ZFP64: variants seen among roughly 807,000 people sequenced by gnomAD.
ZFP64 encodes ZFP64 zinc finger protein, also known as zinc finger protein 64.
In ZFP64, 14 loss-of-function variants were observed where a neutral mutation model predicts 51.6. The observed-to-expected ratio is 0.27, with a 90% confidence interval of 0.18 to 0.42. The LOEUF (loss-of-function observed/expected upper bound fraction) is 0.42. Among genes scored for constraint, ZFP64 ranks in the 10% least tolerant of loss-of-function variants. The pLI is 1.00. For missense variants in ZFP64, 754 were observed against 906.8 expected (o/e 0.83, Z 2.16); for synonymous variants, 375 against 361.4 (o/e 1.04, Z -0.43).
intron 5 of ZFP64, among the ~76,000 whole-genome samples, chr20:52,119,803 C>T (rs1052927423): frequency 9.9e-5 from 15 of 151,854 alleles, no homozygotes; most frequent in Admixed American, 2.6e-4. Flanking sequence ...GGCAAAGAGA[C>T]GGCACTTTTG....
chr20:52,129,786 G>A (rs1160273561), intron 5 of ZFP64, among the ~76,000 whole-genome samples: 1 of 152,184 alleles, frequency 6.6e-6, no homozygotes, highest in Non-Finnish European at 1.5e-5. Flanking sequence ...CAACTCGCCT[G>A]TCTGCCTAAC....
intron 5 of ZFP64, among the ~76,000 whole-genome samples, chr20:52,124,371 A>C (rs6126472): frequency 0.42 from 64,019 of 151,876 alleles, 14,512 homozygotes; most frequent in Admixed American, 0.51. Context: ...AAATTCAGTG[A>C]GAAAAGGAGA....
chr20:52,165,511 G>C (rs777514552), intron 3 of ZFP64: 1 of 481,384 alleles, frequency 2.1e-6, no homozygotes, highest in Non-Finnish European at 4.1e-6. Flanking sequence ...CAACTTTTCT[G>C]TACATCTGAA....
intron 5 of ZFP64, among the ~76,000 whole-genome samples, chr20:52,114,281 A>G (rs911781530): frequency 1.3e-5 from 2 of 152,230 alleles, no homozygotes. Flanking sequence ...TTCCATGCCT[A>G]TGCTGTATTT....
chr20:52,161,433 C>T (rs952117431), intron 4 of ZFP64, among the ~76,000 whole-genome samples: 2 of 149,104 alleles, frequency 1.3e-5, no homozygotes, highest in Admixed American at 1.4e-4. Context: ...AACCCAGGAC[C>T]GTCTTGTGAT....
At chr20:52,156,404 G>A (rs773804667) in intron 5 of ZFP64, among the ~76,000 whole-genome samples, 2 of 152,122 alleles carry the variant, frequency 1.3e-5, no homozygotes, top group African/African-American at 4.8e-5. Context: ...CTTACACCTC[G>A]GTCATGACCA....
rs2078853562 is a variant in ZFP64, at chr20:52,085,369, T to G, written c.1229-103A>C. The G allele has an allele frequency of 7.9e-7, 1 of 1,271,108 alleles. No homozygotes were observed. Among genetic ancestry groups the G allele is most frequent in the Non-Finnish European group, 1.1e-6 (1 of 933,222 alleles). The allele number at this position is 1,271,108 out of a possible 1,614,324, so 78.7% of individuals were successfully genotyped here. A position where few individuals can be genotyped will look rare whatever the true frequency, so the allele number is the denominator to read the frequency against. On this transcript the variant is annotated intron_variant, in intron 8 of 8. Transcript: ENST00000361387. The surrounding 1 kb of genome is among the most constrained non-coding windows in gnomAD (Gnocchi z 4.3). ...TGGCCGCCATGAGATGGTTGGGTTTTGTGAACTCTAAACCCAACCTCCTAA... is the reference window on the plus strand; with the variant it reads ...TGGCCGCCATGAGATGGTTGGGTTTGGTGAACTCTAAACCCAACCTCCTAA...
At position 52,152,195 on chromosome 20, in the gene ZFP64, C is replaced by T. The variant is rs774690725; in HGVS notation, c.1997G>A (p.Gly666Glu). Residue 666 changes from glycine (G) to glutamate (E), a missense_variant, in exon 6 of 6, where the codon GGG becomes GAG. Around this residue, in one of 3 missense-constraint regions of ZFP64, gnomAD observed 428 missense variants for 472.4 expected, o/e 0.91. Transcript: ENST00000216923. ...ACAGAGCAAAGCTGGATGGGCTGCC[C>T]CTTGAATGATGGAGTAGGTCTGCTT... ...LPKQTYSIIQ[G>E]AAHPALLCPA... The T allele has an allele frequency of 3.1e-6, 5 of 1,614,072 alleles. No homozygotes were observed. The East Asian group carries it at 1.1e-4, about 36-fold the overall frequency.
chr20:52,141,359 C>A (rs1414506572), intron 5 of ZFP64, among the ~76,000 whole-genome samples: 1 of 152,116 alleles, frequency 6.6e-6, no homozygotes, highest in Non-Finnish European at 1.5e-5. Context: ...ATTCAATATT[C>A]ATTTATTTTT....
chr20:52,120,415 G>A (rs1187516097), intron 5 of ZFP64, among the ~76,000 whole-genome samples: 1 of 152,178 alleles, frequency 6.6e-6, no homozygotes, highest in African/African-American at 2.4e-5. Flanking sequence ...TAATGACTAT[G>A]AGGATGGAAA....
chr20:52,119,533 A>AAAAATAT (rs1457197109), intron 5 of ZFP64, among the ~76,000 whole-genome samples: 1 of 89,840 alleles, frequency 1.1e-5, no homozygotes, highest in African/African-American at 4.7e-5. Flanking sequence ...AAAAAAAAAA[A>AAAAATAT]ATATATATAT....
At chr20:52,142,384 A>ACACACACACG (rs770440510) in intron 5 of ZFP64, among the ~76,000 whole-genome samples, 3 of 104,700 alleles carry the variant, frequency 2.9e-5, no homozygotes, top group Non-Finnish European at 6.4e-5. Flanking sequence ...ACAGACACAC[A>ACACACACACG]CACACACACA....
intron 5 of ZFP64, chr20:52,105,107 G>C: frequency 9.3e-6 from 13 of 1,397,190 alleles, no homozygotes; most frequent in African/African-American, 1.5e-5. Flanking sequence ...CAGCCCCCGG[G>C]CGGGGCTCCA....
At chr20:52,109,780 CAAAAAAAAAAAA>C (rs779914417) in intron 5 of ZFP64, among the ~76,000 whole-genome samples, 1 of 46,124 alleles carries the variant, frequency 2.2e-5, no homozygotes, top group African/African-American at 7.5e-5. Flanking sequence ...AATTCCACCT[CAAAAAAAAAAAA>C]AAAAAAAAAA....
intron 5 of ZFP64, among the ~76,000 whole-genome samples, chr20:52,156,635 G>A (rs1399829435): frequency 6.6e-6 from 1 of 152,204 alleles, no homozygotes; most frequent in Non-Finnish European, 1.5e-5. Context: ...GGGCTATTAC[G>A]CTGCATCACT....
At chr20:52,123,669 T>C (rs1469902602) in intron 5 of ZFP64, among the ~76,000 whole-genome samples, 1 of 152,182 alleles carries the variant, frequency 6.6e-6, no homozygotes, top group East Asian at 1.9e-4. Flanking sequence ...AAATATAGCA[T>C]ATATTATTTG....
chr20:52,130,564 A>T (rs370811276), intron 5 of ZFP64, among the ~76,000 whole-genome samples: 1 of 152,184 alleles, frequency 6.6e-6, no homozygotes, highest in East Asian at 1.9e-4. Flanking sequence ...CAGATTCCAT[A>T]AGGTCACGAT....
Position 52,178,268 on chromosome 20 carries a change from G to A in ZFP64, c.286+8564C>T, listed in dbSNP as rs909919126. Among the ~76,000 whole-genome samples the A allele has an allele frequency of 5.9e-5, 9 of 152,124 alleles. No homozygotes were observed. The East Asian group carries it at 1.5e-3, about 26-fold the overall frequency. On this transcript the variant is annotated intron_variant, in intron 2 of 5. Transcript: ENST00000216923. The stretch of plus-strand genomic sequence containing the variant: ...GAGGAATTTACTAAGTGGCAGTACT[G>A]ATTAAGAGCACAGGTTTTGCAACCA...
intron 5 of ZFP64, among the ~76,000 whole-genome samples, chr20:52,119,535 T>A (rs199941690): frequency 0.16 from 8,809 of 55,124 alleles, 348 homozygotes; most frequent in Middle Eastern, 0.24. Context: ...AAAAAAAAAA[T>A]ATATATATAT....
Sources: allele counts gnomAD v4.1 joint callset (sites outside exome capture counted in the v4.1 genomes callset), GRCh38; gene constraint gnomAD v4.1.1; regional missense constraint gnomAD v4.1.1; non-coding constraint Gnocchi (gnomAD v3.1); transcripts MANE v1.5; gene names NCBI Gene and HGNC (gene_info 2026-07-23, HGNC 2026-07-21).